SRFBP1: variants seen among roughly 807,000 people sequenced by gnomAD.
The protein encoded by SRFBP1 is serum response factor-binding protein 1.
Under a neutral mutation model 45.5 loss-of-function variants are expected in SRFBP1, and 47 were observed. That is an observed-to-expected ratio of 1.03 (90% CI 0.82 to 1.32). The LOEUF is 1.32. SRFBP1 is among the 40% of genes most tolerant of loss of function. The pLI is 0.00. For synonymous variants in SRFBP1, 203 were observed against 166.3 expected, an observed-to-expected ratio of 1.22 and a Z score of -1.70; for missense variants, 621 against 484.6, an observed-to-expected ratio of 1.28 and a Z score of -2.64.
intron 1 of SRFBP1, among the ~76,000 whole-genome samples, chr5:121,971,667 C>T (rs76102854): frequency 0.094 from 14,239 of 151,968 alleles, 1,182 homozygotes; most frequent in African/African-American, 0.21. Context: ...TAAGGCTAAA[C>T]AATGTATTGT....
chr5:122,054,765 A>G (rs538575798), intron 2 of SRFBP1, among the ~76,000 whole-genome samples: 1 of 152,348 alleles, frequency 6.6e-6, no homozygotes, highest in South Asian at 2.1e-4. Context: ...ATATTCATAA[A>G]TGTAAGAATA....
At chr5:122,034,654 C>A (rs539884160) in intron 2 of SRFBP1, among the ~76,000 whole-genome samples, 6 of 151,832 alleles carry the variant, frequency 4.0e-5, no homozygotes, top group African/African-American at 1.2e-4. Flanking sequence ...TATTATTATA[C>A]CCTGTTCTCA....
At chr5:122,042,668 G>T (rs1753790679) in intron 2 of SRFBP1, among the ~76,000 whole-genome samples, 1 of 152,116 alleles carries the variant, frequency 6.6e-6, no homozygotes, top group African/African-American at 2.4e-5. Flanking sequence ...TTTTCCTAAG[G>T]AAGGTATGTA....
chr5:122,043,259 A>C (rs1753799353), intron 2 of SRFBP1, among the ~76,000 whole-genome samples: 2 of 151,162 alleles, frequency 1.3e-5, no homozygotes, highest in African/African-American at 4.9e-5. Context: ...TCTGTCGCCC[A>C]AGCTGGAGTG....
intron 2 of SRFBP1, among the ~76,000 whole-genome samples, chr5:122,071,089 C>T (rs1754437874): frequency 6.6e-6 from 1 of 152,064 alleles, no homozygotes; most frequent in Non-Finnish European, 1.5e-5. Flanking sequence ...AAGAATATAG[C>T]TAACCAGAGG....
At chr5:121,991,318 G>A (rs1752615319) in intron 3 of SRFBP1, among the ~76,000 whole-genome samples, 1 of 151,952 alleles carries the variant, frequency 6.6e-6, no homozygotes, top group Admixed American at 6.6e-5. Context: ...CAGTCCTACA[G>A]TGATAAAAAA....
intron 2 of SRFBP1, among the ~76,000 whole-genome samples, chr5:122,048,115 T>C (rs1753898259): frequency 6.6e-6 from 1 of 152,182 alleles, no homozygotes; most frequent in Non-Finnish European, 1.5e-5. Flanking sequence ...GGCATCCCTG[T>C]CTTGTGCCAG....
At chr5:122,031,993 G>A (rs949623617), downstream of SRFBP1, among the ~76,000 whole-genome samples, 1 of 152,172 alleles carries the variant, frequency 6.6e-6, no homozygotes, top group Non-Finnish European at 1.5e-5. Flanking sequence ...GTGAGTGCAT[G>A]CTAATGAGTC....
chr5:122,077,476 G>A, downstream of SRFBP1: 2 of 1,614,048 alleles, frequency 1.2e-6, no homozygotes, highest in Non-Finnish European at 1.7e-6. This position sits in a 1 kb window ranked among gnomAD's most constrained non-coding sequence, Gnocchi z 4.9. Context: ...GGTTGTAAGG[G>A]TCGTCGCCCA....
chr5:121,986,579 A>G (rs1173070435), intron 3 of SRFBP1, among the ~76,000 whole-genome samples: 1 of 152,028 alleles, frequency 6.6e-6, no homozygotes, highest in East Asian at 1.9e-4. Context: ...GTTGCGATTC[A>G]TTGCTGTCAG....
chr5:122,047,537 T>G (rs1357995066), intron 2 of SRFBP1, among the ~76,000 whole-genome samples: 1 of 152,212 alleles, frequency 6.6e-6, no homozygotes, highest in African/African-American at 2.4e-5. Context: ...CGGGCTCTTT[T>G]TTGGTTCCAT....
At chr5:122,051,481 A>C (rs1287049250) in intron 2 of SRFBP1, among the ~76,000 whole-genome samples, 1 of 150,290 alleles carries the variant, frequency 6.7e-6, no homozygotes, top group Non-Finnish European at 1.5e-5. Context: ...CTTCTTGTTG[A>C]ATTAAACGCT....
chr5:121,991,798 A>G (rs1752626660), intron 3 of SRFBP1, among the ~76,000 whole-genome samples: 1 of 152,086 alleles, frequency 6.6e-6, no homozygotes, highest in Admixed American at 6.6e-5. Context: ...TATATGAACC[A>G]TGTTTTAGGA....
chr5:122,019,945 A>T, intron 5 of SRFBP1, 143 bp from the exon 6 acceptor site: 1 of 476,564 alleles, frequency 2.1e-6, no homozygotes, highest in Non-Finnish European at 3.6e-6. Context: ...TTCTTTGTGA[A>T]TTCAGACCGA....
At chr5:122,073,056 C>T (rs1460948858) in intron 2 of SRFBP1, among the ~76,000 whole-genome samples, 1 of 152,146 alleles carries the variant, frequency 6.6e-6, no homozygotes, top group Non-Finnish European at 1.5e-5. Context: ...ATGTTCTAAG[C>T]TCAGAGAAAA....
rs75089652 is a variant in SRFBP1, at chr5:122,056,007, C to T, written n.312-19308C>T. Among the ~76,000 whole-genome samples, 866 of 152,268 alleles carry T rather than the reference C, an allele frequency of 5.7e-3. 10 individuals are homozygous for T. The highest frequency in any genetic ancestry group is 0.02 in the African/African-American group (819 of 41,550). ...AATTCCCTAACCACTTTCTTCAGGA[C>T]TCAAACTGCCCAAGAGTGTTGAATA... On this transcript the variant is annotated intron_variant and non_coding_transcript_variant, in intron 2 of 2. Transcript: ENST00000504881.
intron 2 of SRFBP1, among the ~76,000 whole-genome samples, chr5:122,039,811 CATATATG>C (rs1362191865): frequency 6.6e-6 from 1 of 152,026 alleles, no homozygotes; most frequent in East Asian, 1.9e-4. Flanking sequence ...TATCCTTACA[CATATATG>C]ATATATGGTT....
chr5:122,030,963 T>C (rs540669121), downstream of SRFBP1, among the ~76,000 whole-genome samples: 1 of 152,276 alleles, frequency 6.6e-6, no homozygotes, highest in African/African-American at 2.4e-5. Flanking sequence ...GCTGTGTGCA[T>C]ACTCAGGAAA....
chr5:122,077,981 C>A, downstream of SRFBP1: 6 of 1,454,824 alleles, frequency 4.1e-6, no homozygotes, highest in Non-Finnish European at 5.4e-6. This position sits in a 1 kb window ranked among gnomAD's most constrained non-coding sequence, Gnocchi z 4.9. Flanking sequence ...CCAGGCGAAG[C>A]GCATCACTCC....
Sources: gnomAD v4.1 joint callset for allele counts (sites outside exome capture counted in the v4.1 genomes callset) on GRCh38, gnomAD v4.1.1 for gene constraint, Gnocchi (gnomAD v3.1) non-coding constraint, MANE v1.5 for transcripts, NCBI Gene and HGNC (gene_info 2026-07-23, HGNC 2026-07-21) for gene names.